COMMD10: variants seen among roughly 807,000 people sequenced by gnomAD.
The protein encoded by COMMD10 is COMM domain-containing protein 10.
Under a neutral mutation model 28.9 loss-of-function variants are expected in COMMD10, and 33 were observed. The ratio of observed to expected loss-of-function variants is 1.14; its 90% CI spans 0.87 to 1.53. The LOEUF is 1.53. COMMD10 is among the 40% of genes most tolerant of loss of function. COMMD10 has a pLI of 0.00. For synonymous variants in COMMD10, 110 were observed against 81.7 expected (o/e 1.35, Z -1.87); for missense variants, 310 against 233.4 (o/e 1.33, Z -2.14).
chr5:116,290,739 T>C (rs191130953), intron 5 of COMMD10, among the ~76,000 whole-genome samples: 2 of 149,990 alleles, frequency 1.3e-5, no homozygotes, highest in East Asian at 3.9e-4. Context: ...CTTTCACTTC[T>C]TCAGAGGGAC....
At position 116,287,396 on chromosome 5, in the gene COMMD10, T is replaced by A. The variant is rs1751245968; in HGVS notation, c.511-4121T>A. Among the ~76,000 whole-genome samples, 3 of 151,826 alleles carry A rather than the reference T, an allele frequency of 2.0e-5. No homozygotes were observed. The South Asian group carries it at 6.2e-4, about 31-fold the overall frequency. ...TTTGTCTGACTTTAATGTAGCCACT[T>A]CTGCTCTCTTTTGTTACCATTTACA... On this transcript the variant is annotated intron_variant, in intron 5 of 6. Transcript: ENST00000274458.
At chr5:116,280,568 C>A (rs771075559) in intron 5 of COMMD10, among the ~76,000 whole-genome samples, 9 of 151,752 alleles carry the variant, frequency 5.9e-5, no homozygotes, top group Non-Finnish European at 1.2e-4. Context: ...GTACATTCAT[C>A]TTTGTATCAT....
chr5:116,227,120 C>G (rs1434613341), intron 5 of COMMD10, among the ~76,000 whole-genome samples: 1 of 152,000 alleles, frequency 6.6e-6, no homozygotes, highest in East Asian at 1.9e-4. Flanking sequence ...TATAGGTTCA[C>G]TATCCTTGCC....
intron 5 of COMMD10, among the ~76,000 whole-genome samples, chr5:116,272,229 GA>G (rs1409501407): frequency 6.6e-6 from 1 of 151,420 alleles, no homozygotes; most frequent in African/African-American, 2.4e-5. Context: ...CTTACTAACT[GA>G]AAAAAATGGG....
intron 5 of COMMD10, chr5:116,218,039 G>C (rs1034383428): frequency 1.8e-6 from 2 of 1,104,058 alleles, no homozygotes; most frequent in African/African-American, 3.1e-5. Context: ...GGCACCTCCA[G>C]CACCTTCAGC....
intron 5 of COMMD10, among the ~76,000 whole-genome samples, chr5:116,212,369 T>C (rs1381169465): frequency 6.6e-6 from 1 of 152,096 alleles, no homozygotes; most frequent in Non-Finnish European, 1.5e-5. Flanking sequence ...TATATCTACA[T>C]ATCCAAGCCA....
At chr5:116,265,861 G>C (rs1750569755) in intron 5 of COMMD10, among the ~76,000 whole-genome samples, 1 of 151,706 alleles carries the variant, frequency 6.6e-6, no homozygotes, top group Non-Finnish European at 1.5e-5. Flanking sequence ...CTTAACCACT[G>C]TGCTATACTA....
At chr5:116,255,900 T>A (rs1750270835) in intron 5 of COMMD10, 1 of 151,502 alleles carries the variant, frequency 6.6e-6, no homozygotes, top group Admixed American at 6.6e-5. Context: ...TTCTTATTTT[T>A]AAGCCATTTA....
At chr5:116,153,070 G>T (rs913999391) in intron 5 of COMMD10, among the ~76,000 whole-genome samples, 1 of 151,840 alleles carries the variant, frequency 6.6e-6, no homozygotes, top group Non-Finnish European at 1.5e-5. Context: ...GCATCTTTTC[G>T]ACACTACACA....
In COMMD10 at chr5:116,087,560, T is replaced by G; in HGVS notation, c.105T>G (p.Thr35=). 1 of 1,611,390 alleles carries G rather than the reference T, an allele frequency of 6.2e-7. No individual in the cohort carries two copies. Among genetic ancestry groups the G allele is most frequent in the Non-Finnish European group, 8.5e-7 (1 of 1,177,456 alleles). The part of the protein sequence containing the change: ...IDTGRFPRLL[T]RILQKLHLKA... ...CAGGAAGATTTCCACGGTTGCTCAC[T>G]CGGATTCTTCAAAAACTTCACCTGA... Residue 35 remains threonine, a synonymous_variant, in exon 2 of 7, where the codon ACT becomes ACG. Coordinates refer to ENST00000274458, the MANE Select transcript of COMMD10 (RefSeq NM_016144.4).
chr5:116,214,099 T>G (rs1749038216), intron 5 of COMMD10, among the ~76,000 whole-genome samples: 1 of 152,160 alleles, frequency 6.6e-6, no homozygotes, highest in East Asian at 1.9e-4. Context: ...TATTTCATTC[T>G]CTCTGAATTG....
intron 5 of COMMD10, among the ~76,000 whole-genome samples, chr5:116,245,023 C>G (rs1354732299): frequency 7.0e-6 from 1 of 141,878 alleles, no homozygotes; most frequent in Non-Finnish European, 1.5e-5. Flanking sequence ...AAAAATCATT[C>G]AAAACATAAA....
At chr5:116,166,351 T>A (rs1226450276) in intron 5 of COMMD10, among the ~76,000 whole-genome samples, 1 of 152,204 alleles carries the variant, frequency 6.6e-6, no homozygotes, top group African/African-American at 2.4e-5. Flanking sequence ...CATACCCATT[T>A]TTTTCAGGAT....
intron 4 of COMMD10, among the ~76,000 whole-genome samples, chr5:116,108,003 C>A (rs951844387): frequency 1.3e-5 from 2 of 152,224 alleles, no homozygotes; most frequent in African/African-American, 2.4e-5. Context: ...CCAGTGCAGG[C>A]TGCAGAACAG....
At chr5:116,112,350 T>C (rs1226677352) in intron 4 of COMMD10, among the ~76,000 whole-genome samples, 2 of 152,206 alleles carry the variant, frequency 1.3e-5, no homozygotes, top group African/African-American at 2.4e-5. Flanking sequence ...TTTTAGTCTA[T>C]GTGTCTTCAC....
At chr5:116,136,697 C>G (rs777770501) in intron 5 of COMMD10, among the ~76,000 whole-genome samples, 18 of 152,126 alleles carry the variant, frequency 1.2e-4, no homozygotes, top group African/African-American at 3.4e-4. Flanking sequence ...AAATCTAACT[C>G]ATTTGAAATA....
intron 5 of COMMD10, among the ~76,000 whole-genome samples, chr5:116,158,039 C>T (rs13181756): frequency 0.49 from 74,689 of 151,058 alleles, 21,697 homozygotes; most frequent in Non-Finnish European, 0.65. Context: ...GCTGCCATTT[C>T]TTCTAGATCC....
chr5:116,270,964 A>G (rs186852137), intron 5 of COMMD10, among the ~76,000 whole-genome samples: 4,258 of 149,768 alleles, frequency 0.028, 266 homozygotes, highest in African/African-American at 0.099. Context: ...GATTATATAT[A>G]AATAAATAAA....
At chr5:116,280,347 T>C (rs537100762) in intron 5 of COMMD10, among the ~76,000 whole-genome samples, 9 of 151,976 alleles carry the variant, frequency 5.9e-5, no homozygotes, top group African/African-American at 2.2e-4. Flanking sequence ...CTCAGGCTGG[T>C]GCCCTTTGAG....
Sources: gnomAD v4.1 joint callset for allele counts (sites outside exome capture counted in the v4.1 genomes callset) on GRCh38, gnomAD v4.1.1 for gene constraint, MANE v1.5 for transcripts, NCBI Gene and HGNC (gene_info 2026-07-23, HGNC 2026-07-21) for gene names.